PAPPA: variants seen among roughly 807,000 people sequenced by gnomAD.
PAPPA encodes pappalysin-1.
A neutral mutation model predicts 164.0 loss-of-function variants in PAPPA; 60 were observed. The observed-to-expected ratio is 0.37, with a 90% confidence interval of 0.30 to 0.45. PAPPA has a LOEUF of 0.45. PAPPA is among the 20% of genes least tolerant of loss of function. PAPPA has a pLI of 1.00. For missense variants in PAPPA, 1,782 were observed against 2,087.3 expected (o/e 0.85, Z 2.85); for synonymous variants, 875 against 814.1 (o/e 1.07, Z -1.27).
At chr9:116,362,441 G>T in intron 17 of PAPPA, 151 bp from the exon 18 acceptor site, 1 of 701,274 alleles carries the variant, frequency 1.4e-6, no homozygotes, top group Non-Finnish European at 2.3e-6. Flanking sequence ...CTCTTTCAGG[G>T]TGGTTGAGTT....
At chr9:116,310,916 A>G (rs866158927) in intron 10 of PAPPA, among the ~76,000 whole-genome samples, 1 of 152,140 alleles carries the variant, frequency 6.6e-6, no homozygotes, top group Non-Finnish European at 1.5e-5. Flanking sequence ...CATGGCAGGT[A>G]TTTGTCAAGG....
chr9:116,390,393 A>G (rs1047956478), intron 21 of PAPPA, among the ~76,000 whole-genome samples: 6 of 152,170 alleles, frequency 3.9e-5, no homozygotes, highest in Non-Finnish European at 7.3e-5. Context: ...TTCCCTGAGT[A>G]TGCCCAGAGC....
intron 18 of PAPPA, among the ~76,000 whole-genome samples, chr9:116,364,707 G>C (rs765672868): frequency 2.0e-5 from 3 of 152,104 alleles, no homozygotes; most frequent in Non-Finnish European, 4.4e-5. Context: ...TCAACTGTAC[G>C]CAAATGAGTA....
intron 9 of PAPPA, among the ~76,000 whole-genome samples, chr9:116,272,722 C>T (rs181240791): frequency 7.5e-4 from 114 of 152,280 alleles, no homozygotes; most frequent in Non-Finnish European, 1.1e-3. Context: ...TTTCTCTCCT[C>T]TGTTGATTTG....
chr9:116,333,857 C>T (rs1846024792), intron 12 of PAPPA, among the ~76,000 whole-genome samples: 1 of 152,076 alleles, frequency 6.6e-6, no homozygotes, highest in African/African-American at 2.4e-5. Flanking sequence ...CTGTTTTTCC[C>T]CTCCACCCCC....
intron 17 of PAPPA, among the ~76,000 whole-genome samples, chr9:116,359,621 T>C (rs1032885988): frequency 6.6e-6 from 1 of 152,192 alleles, no homozygotes; most frequent in Non-Finnish European, 1.5e-5. Context: ...CACCAGGTGG[T>C]AGGCAATTTC....
At chr9:116,291,729 C>T (rs1403151093) in intron 9 of PAPPA, among the ~76,000 whole-genome samples, 1 of 151,660 alleles carries the variant, frequency 6.6e-6, no homozygotes, top group Non-Finnish European at 1.5e-5. Context: ...TTTTCTTGAC[C>T]CTAATGGAAA....
rs769143108 is a variant in PAPPA, at chr9:116,187,316, C to T, written c.578C>T (p.Pro193Leu). The change falls in exon 2 of 22, where the codon CCA becomes CTA. Residue 193 changes from proline (P) to leucine (L), a missense_variant. Around this residue, in one of 2 missense-constraint regions of PAPPA, gnomAD observed 458 missense variants for 430.3 expected, o/e 1.06. Transcript: ENST00000328252. The surrounding 1 kb of genome is among the most constrained non-coding windows in gnomAD (Gnocchi z 4.2). ...ATCAATGCCCACCGCAGCTACCTCC[C>T]AGGCCAGTGGGTATACCTAGCTGCC... is the stretch of plus-strand genomic sequence containing the variant. The part of the protein sequence containing the change: ...TTINAHRSYL[P>L]GQWVYLAATY... The T allele has an allele frequency of 1.2e-6, 2 of 1,614,164 alleles. No homozygotes were observed. The highest frequency in any genetic ancestry group is 2.2e-5 in the South Asian group (2 of 91,084).
intron 18 of PAPPA, 146 bp downstream of exon 18, chr9:116,362,885 T>C (rs925080493): frequency 1.5e-5 from 11 of 739,356 alleles, no homozygotes; most frequent in African/African-American, 1.2e-4. Context: ...GTGTAGACCA[T>C]GTCCTCCCAG....
intron 2 of PAPPA, among the ~76,000 whole-genome samples, chr9:116,205,022 C>T (rs1213432351): frequency 2.6e-5 from 4 of 151,792 alleles, no homozygotes; most frequent in African/African-American, 4.8e-5. Context: ...AGTGGGAATA[C>T]CTCGGGCAGC....
intron 9 of PAPPA, among the ~76,000 whole-genome samples, chr9:116,297,756 A>G (rs1845527535): frequency 6.6e-6 from 1 of 152,180 alleles, no homozygotes; most frequent in Middle Eastern, 3.2e-3. Flanking sequence ...TGGGTAGAGA[A>G]AAGTAGAATC....
intron 7 of PAPPA, among the ~76,000 whole-genome samples, chr9:116,242,423 C>T (rs955716543): frequency 6.6e-6 from 1 of 152,160 alleles, no homozygotes; most frequent in Non-Finnish European, 1.5e-5. Flanking sequence ...GCATACTCAA[C>T]CACAGATCAA....
chr9:116,358,592 C>T (rs1846382977), intron 17 of PAPPA, among the ~76,000 whole-genome samples: 1 of 152,224 alleles, frequency 6.6e-6, no homozygotes, highest in African/African-American at 2.4e-5. Flanking sequence ...GCCTCCAAAG[C>T]TTAGCCATCT....
chr9:116,278,884 G>GCACAATGCA (rs1471857090), intron 9 of PAPPA, among the ~76,000 whole-genome samples: 1 of 152,152 alleles, frequency 6.6e-6, no homozygotes, highest in Non-Finnish European at 1.5e-5. Context: ...AGAGTGTTTA[G>GCACAATGCA]CACAATGCAC....
chr9:116,305,288 T>C (rs1265433610), intron 10 of PAPPA, among the ~76,000 whole-genome samples: 1 of 151,824 alleles, frequency 6.6e-6, no homozygotes, highest in Non-Finnish European at 1.5e-5. Flanking sequence ...CCTTGTACAG[T>C]GATTAGAAGA....
intron 8 of PAPPA, among the ~76,000 whole-genome samples, chr9:116,270,825 A>G (rs939432696): frequency 6.6e-6 from 1 of 151,664 alleles, no homozygotes; most frequent in Non-Finnish European, 1.5e-5. Context: ...TGGAAGGATG[A>G]CTAAACTTGA....
intron 6 of PAPPA, among the ~76,000 whole-genome samples, chr9:116,234,527 C>G (rs895305717): frequency 5.3e-5 from 8 of 151,934 alleles, no homozygotes; most frequent in African/African-American, 1.9e-4. Context: ...CTTTGCTGGT[C>G]GGGGGGTGGG....
chr9:116,283,296 G>A (rs1845289299), intron 9 of PAPPA, among the ~76,000 whole-genome samples: 1 of 152,188 alleles, frequency 6.6e-6, no homozygotes, highest in Non-Finnish European at 1.5e-5. Context: ...TCCCCTGGGA[G>A]CAGTGGAAAG....
At chr9:116,284,269 T>C (rs965078310) in intron 9 of PAPPA, among the ~76,000 whole-genome samples, 2 of 152,200 alleles carry the variant, frequency 1.3e-5, no homozygotes, top group Admixed American at 6.5e-5. Context: ...TTTAGGGAAG[T>C]CATGCATGAG....
Sources: allele counts gnomAD v4.1 joint callset (sites outside exome capture counted in the v4.1 genomes callset), GRCh38; gene constraint gnomAD v4.1.1; regional missense constraint gnomAD v4.1.1; non-coding constraint Gnocchi (gnomAD v3.1); transcripts MANE v1.5; gene names NCBI Gene and HGNC (gene_info 2026-07-23, HGNC 2026-07-21).